Variants in RGS6 observed in about 807,000 individuals in gnomAD.
RGS6 encodes regulator of G protein signaling 6.
Under a neutral mutation model 78.5 loss-of-function variants are expected in RGS6, and 30 were observed. That is an observed-to-expected ratio of 0.38 (90% CI 0.29 to 0.52). The LOEUF (loss-of-function observed/expected upper bound fraction) is 0.52. RGS6 is among the 20% of genes least tolerant of loss of function. RGS6 has a pLI of 0.85. For missense variants in RGS6, 495 were observed against 609.7 expected (o/e 0.81, Z 1.98); for synonymous variants, 206 against 206.0 (o/e 1.00, Z 0.00).
At chr14:72,271,178 A>G (rs573573431) in intron 2 of RGS6, among the ~76,000 whole-genome samples, 5 of 152,282 alleles carry the variant, frequency 3.3e-5, no homozygotes, top group South Asian at 2.1e-4. Flanking sequence ...TGCTGCCAAT[A>G]AAGACATACC....
At chr14:72,308,104 C>T (rs1368115301) in intron 2 of RGS6, among the ~76,000 whole-genome samples, 1 of 152,174 alleles carries the variant, frequency 6.6e-6, no homozygotes. Context: ...GTGATATCAT[C>T]TTTAAATATG....
chr14:72,109,704 C>A (rs2095710980), intron 2 of RGS6, among the ~76,000 whole-genome samples: 2 of 152,138 alleles, frequency 1.3e-5, no homozygotes, highest in African/African-American at 4.8e-5. Context: ...CACTTTATTT[C>A]TTCATTCAGT....
At chr14:72,298,036 T>A (rs1380268188) in intron 2 of RGS6, among the ~76,000 whole-genome samples, 1 of 152,170 alleles carries the variant, frequency 6.6e-6, no homozygotes, top group Non-Finnish European at 1.5e-5. Flanking sequence ...TACTTAATAT[T>A]ACATACTGGT....
At chr14:72,282,632 G>A (rs976770295) in intron 2 of RGS6, among the ~76,000 whole-genome samples, 1 of 152,106 alleles carries the variant, frequency 6.6e-6, no homozygotes, top group Admixed American at 6.6e-5. Flanking sequence ...TATTAAAAAG[G>A]ACACATATTT....
At chr14:72,353,879 G>A (rs1402409703) in intron 3 of RGS6, among the ~76,000 whole-genome samples, 1 of 152,214 alleles carries the variant, frequency 6.6e-6, no homozygotes, top group Non-Finnish European at 1.5e-5. Flanking sequence ...AGCTACTTGG[G>A]AGACTGAGGC....
At chr14:72,395,459 T>C (rs1441975666) in intron 3 of RGS6, among the ~76,000 whole-genome samples, 1 of 152,200 alleles carries the variant, frequency 6.6e-6, no homozygotes, top group African/African-American at 2.4e-5. Context: ...TGTACTTATA[T>C]ACAGAAGTAA....
chr14:71,990,755 C>G (rs745950351), intron 2 of RGS6: 1 of 456,088 alleles, frequency 2.2e-6, no homozygotes, highest in Non-Finnish European at 4.4e-6. Flanking sequence ...TTGCTATCCT[C>G]TCTCCAAACT....
chr14:72,233,650 T>C (rs1041682568), intron 2 of RGS6, among the ~76,000 whole-genome samples: 1 of 152,206 alleles, frequency 6.6e-6, no homozygotes, highest in African/African-American at 2.4e-5. Context: ...TTAGTGTGTG[T>C]TTGGCAGGGC....
intron 2 of RGS6, among the ~76,000 whole-genome samples, chr14:72,253,939 C>T (rs570973119): frequency 6.6e-6 from 1 of 152,342 alleles, no homozygotes; most frequent in African/African-American, 2.4e-5. Context: ...CACCTCTGCT[C>T]ACTGCCATCC....
At chr14:72,217,912 T>C (rs1381024059) in intron 2 of RGS6, among the ~76,000 whole-genome samples, 1 of 152,208 alleles carries the variant, frequency 6.6e-6, no homozygotes, top group Non-Finnish European at 1.5e-5. Flanking sequence ...TTTACACATA[T>C]ACATACAAAC....
chr14:72,157,679 C>T (rs1048866728), intron 2 of RGS6, among the ~76,000 whole-genome samples: 6 of 152,036 alleles, frequency 3.9e-5, no homozygotes, highest in Non-Finnish European at 7.4e-5. Context: ...GACAGGCGGG[C>T]CACATGCTGA....
intron 2 of RGS6, among the ~76,000 whole-genome samples, chr14:72,043,892 A>C (rs894796536): frequency 1.3e-5 from 2 of 152,052 alleles, no homozygotes; most frequent in African/African-American, 4.8e-5. Flanking sequence ...CAGTTCTTGG[A>C]AGGTCGCTGC....
In RGS6 at chr14:72,274,750, A is replaced by G. The variant is rs145713700; in HGVS notation, c.85-77345A>G. Among the ~76,000 whole-genome samples the G allele has an allele frequency of 7.8e-3, 1,184 of 152,276 alleles. 12 individuals carry two copies. The highest frequency in any genetic ancestry group is 0.025 in the African/African-American group (1,049 of 41,544). ...ACCAAACAGTGTAGACAGCCTCTAG[A>G]GACTAGACCAAGCAAGGAAGTGGAT... is the stretch of plus-strand genomic sequence containing the variant. On this transcript the variant is annotated intron_variant, in intron 2 of 17. Transcript: ENST00000553525.
chr14:72,078,389 A>G (rs927425139), intron 2 of RGS6, among the ~76,000 whole-genome samples: 1 of 151,654 alleles, frequency 6.6e-6, no homozygotes, highest in Non-Finnish European at 1.5e-5. Context: ...AGTCTCAGGT[A>G]TTTCTTTTCT....
intron 2 of RGS6, among the ~76,000 whole-genome samples, chr14:72,240,911 C>T (rs749272335): frequency 1.3e-5 from 2 of 152,150 alleles, no homozygotes; most frequent in Non-Finnish European, 2.9e-5. Context: ...GTAATCCCAT[C>T]ACTTTGGGAG....
chr14:72,537,607 G>A, intron 16 of RGS6: 1 of 701,804 alleles, frequency 1.4e-6, no homozygotes, highest in East Asian at 2.7e-5. Flanking sequence ...TTTGGAGGAG[G>A]CCGACACCCT....
At chr14:72,088,469 G>A (rs140370646) in intron 2 of RGS6, among the ~76,000 whole-genome samples, 3 of 152,226 alleles carry the variant, frequency 2.0e-5, no homozygotes, top group African/African-American at 4.8e-5. Flanking sequence ...AACAGAAGTG[G>A]GGCTTCATTT....
intron 2 of RGS6, among the ~76,000 whole-genome samples, chr14:72,114,309 C>T (rs1227420832): frequency 6.6e-6 from 1 of 152,186 alleles, no homozygotes; most frequent in East Asian, 1.9e-4. Flanking sequence ...TCTATAGATC[C>T]AGTCTCTCCC....
At chr14:72,119,680 A>C (rs979820583) in intron 2 of RGS6, among the ~76,000 whole-genome samples, 4 of 152,178 alleles carry the variant, frequency 2.6e-5, no homozygotes, top group African/African-American at 9.7e-5. Context: ...GAAAGAAGGA[A>C]AGAGAGAGAG....
Sources: allele counts gnomAD v4.1 joint callset (sites outside exome capture counted in the v4.1 genomes callset), GRCh38; gene constraint gnomAD v4.1.1; transcripts MANE v1.5; gene names NCBI Gene and HGNC (gene_info 2026-07-23, HGNC 2026-07-21).